Variants in PCDHA4 observed in about 807,000 individuals in gnomAD.
PCDHA4 encodes the protein protocadherin alpha-4.
Under a neutral mutation model 61.4 loss-of-function variants are expected in PCDHA4, and 49 were observed. That is an observed-to-expected ratio of 0.80 (90% CI 0.63 to 1.01). The LOEUF (loss-of-function observed/expected upper bound fraction) is 1.01, where lower values mean the gene tolerates loss of function less well. Ranked by LOEUF, PCDHA4 falls within the 50% of genes least tolerant of loss-of-function variation. PCDHA4 has a pLI of 0.00. For synonymous variants in PCDHA4, 590 were observed against 550.3 expected (o/e 1.07, Z -1.01); for missense variants, 1,254 against 1,235.8 (o/e 1.01, Z -0.22).
chr5:140,864,892 A>G (rs1240811455), intron 1 of PCDHA4: 4 of 152,184 alleles, frequency 2.6e-5, no homozygotes, highest in African/African-American at 4.8e-5. Flanking sequence ...ATTAAGCTGC[A>G]TGGTCTTCAG....
At chr5:140,941,603 T>C (rs116946105) in intron 1 of PCDHA4, among the ~76,000 whole-genome samples, 1 of 152,024 alleles carries the variant, frequency 6.6e-6, no homozygotes, top group East Asian at 1.9e-4. Flanking sequence ...CCATGAGCCA[T>C]GGTGCCCAGC....
intron 1 of PCDHA4, among the ~76,000 whole-genome samples, chr5:140,820,456 T>A (rs1421227937): frequency 3.3e-5 from 5 of 152,058 alleles, no homozygotes; most frequent in African/African-American, 9.6e-5. Flanking sequence ...GTCCCTCTTG[T>A]CTTCACAGGT....
rs184768008 is a variant in PCDHA4 at position 140,933,949 on chromosome 5, G to C, written c.2386-45000G>C. ...GTTGTGACTTTTTTTCACATCTGCA[G>C]GATCTGTAGTGATGTTTCCCTTTTC... On this transcript the variant is annotated intron_variant, in intron 1 of 3. Coordinates refer to ENST00000530339, the MANE Select transcript of PCDHA4 (RefSeq NM_018907.4). Among the ~76,000 whole-genome samples the C allele has an allele frequency of 8.5e-4, 129 of 151,910 alleles. 1 individual carries two copies. The highest frequency in any genetic ancestry group is 3.0e-3 in the African/African-American group (123 of 41,458).
chr5:140,878,239 T>C (rs1198199054), intron 1 of PCDHA4: 1 of 155,370 alleles, frequency 6.4e-6, no homozygotes, highest in Non-Finnish European at 1.4e-5. Context: ...ATGGATTCTT[T>C]AACTCTTCCT....
rs3822355 is a variant in PCDHA4, at chr5:140,807,394, G to A, written c.207G>A (p.Lys69=). The A allele has an allele frequency of 0.39, 374,073 of 969,126 alleles. 145,278 individuals are homozygous for A. The highest frequency in any genetic ancestry group is 0.46 in the South Asian group (24,420 of 53,396). 60.0% of individuals were successfully genotyped at this position (969,126 alleles called of 1,614,324 possible). ...LVPRLFRVAS[K]GRGGLLEVNL... is the part of the protein sequence containing the mutation. Reference sequence around the variant, plus strand: ...CGCGCCTGTTCCGGGTGGCGTCCAAGGGCCGCGGAGGCCTTCTGGAGGTAA... The same window carrying A: ...CGCGCCTGTTCCGGGTGGCGTCCAAAGGCCGCGGAGGCCTTCTGGAGGTAA... Residue 69 remains lysine (K), a synonymous_variant, in exon 1 of 4, where the codon AAG becomes AAA. Transcript: ENST00000530339.
intron 1 of PCDHA4, chr5:140,829,740 C>G: frequency 6.2e-7 from 1 of 1,613,670 alleles, no homozygotes; most frequent in Non-Finnish European, 8.5e-7. Context: ...AGCAACGTGA[C>G]GCTGCAGGTG....
chr5:140,856,816 C>T (rs2044218457), intron 1 of PCDHA4: 2 of 1,593,576 alleles, frequency 1.3e-6, no homozygotes, highest in Admixed American at 1.7e-5. Flanking sequence ...ATCAAGTGAA[C>T]CAAACATTAG....
rs782706780 is a variant in PCDHA4 at position 140,808,890 on chromosome 5, C to T, written c.1703C>T (p.Pro568Leu). 1.9e-6 allele frequency: 3 copies of T among 1,613,284 alleles called. No homozygotes were observed. Among genetic ancestry groups the T allele is most frequent in the African/African-American group, 1.3e-5 (1 of 74,926 alleles). ...ENDNAPALLAPRAGGTGGAVS... is the reference protein window; with the variant it reads ...ENDNAPALLALRAGGTGGAVS... ...GACAACGCGCCAGCACTGCTAGCGC[C>T]TCGGGCGGGTGGCACTGGTGGCGCA... is the stretch of plus-strand genomic sequence containing the variant. Residue 568 changes from proline (P) to leucine (L), a missense_variant, in exon 1 of 4, where the codon CCT (proline) becomes CTT (leucine). Pro to Leu is a moderately conservative substitution (Grantham distance 98). Coordinates refer to ENST00000530339, the MANE Select transcript of PCDHA4 (RefSeq NM_018907.4).
At chr5:140,937,789 G>A (rs1413517840) in intron 1 of PCDHA4, among the ~76,000 whole-genome samples, 1 of 151,816 alleles carries the variant, frequency 6.6e-6, no homozygotes, top group Non-Finnish European at 1.5e-5. Flanking sequence ...GCGGGCGTAT[G>A]TAGTCCCAGC....
At chr5:140,975,304 G>A (rs1395392874) in intron 1 of PCDHA4, among the ~76,000 whole-genome samples, 2 of 152,200 alleles carry the variant, frequency 1.3e-5, no homozygotes, top group African/African-American at 2.4e-5. Context: ...AAGAGCTCAT[G>A]TGATTATGTC....
intron 1 of PCDHA4, chr5:140,858,137 TACCTGATCATCGCC>T: frequency 1.9e-6 from 3 of 1,597,500 alleles, no homozygotes; most frequent in Non-Finnish European, 2.6e-6. Context: ...TGTCAACGTG[TACCTGATCATCGCC>T]ATCTGCGCGG....
At chr5:140,866,804 C>A (rs1157058668) in intron 1 of PCDHA4, 3 of 152,118 alleles carry the variant, frequency 2.0e-5, no homozygotes, top group Non-Finnish European at 4.4e-5. Flanking sequence ...AAGTCAGGCA[C>A]AAAGTTCCTT....
At position 141,011,088 on chromosome 5, in the gene PCDHA4, TTCTC is replaced by T. The variant is rs375099849; in HGVS notation, c.*1165_*1168del. Reference sequence around the variant, plus strand: ...TATTACTAAATAAAATGATCTCTCTTTCTCTCTCTCTCTCTCTTTTCTAAGAAAC... The same window carrying T: ...TATTACTAAATAAAATGATCTCTCTTTCTCTCTCTCTCTTTTCTAAGAAAC... On this transcript the variant is annotated 3_prime_UTR_variant, in exon 4 of 4. Coordinates refer to ENST00000530339, the MANE Select transcript of PCDHA4 (RefSeq NM_018907.4). 16 of 152,024 alleles carry T rather than the reference TTCTC, an allele frequency of 1.1e-4. No individual in the cohort carries two copies. Among genetic ancestry groups the T allele is most frequent in the African/African-American group, 2.2e-4 (9 of 41,160 alleles). 9.4% of individuals were successfully genotyped at this position (152,024 alleles called of 1,614,324 possible).
chr5:140,811,974 T>G (rs1169790765), intron 1 of PCDHA4: 1 of 149,746 alleles, frequency 6.7e-6, no homozygotes, highest in East Asian at 1.9e-4. Context: ...GATTGTAGTT[T>G]CTTTTGAAGA....
chr5:140,873,548 T>C lies in PCDHA4; in HGVS notation c.2385+63976T>C, dbSNP rs1434309989. ...GCATTCTATGGTATAAAATTATAAT[T>C]TCAATTTATTTTCTAGTTTGGTTGT... On this transcript the variant is annotated intron_variant, in intron 1 of 3. Coordinates refer to ENST00000530339, the MANE Select transcript of PCDHA4 (RefSeq NM_018907.4). Among the ~76,000 whole-genome samples, 5 of 151,990 alleles carry C rather than the reference T, an allele frequency of 3.3e-5. No individual in the cohort carries two copies. In the East Asian group the frequency reaches 7.7e-4, roughly 23 times the overall value.
At chr5:140,858,570 C>A (rs1212586718) in intron 1 of PCDHA4, 2 of 1,363,070 alleles carry the variant, frequency 1.5e-6, no homozygotes, top group Non-Finnish European at 1.0e-6. Flanking sequence ...TCTAGTGATA[C>A]CTTTGTAATA....
In PCDHA4 at chr5:140,858,494, C is replaced by T. The variant is rs1451749220; in HGVS notation, c.2385+48922C>T. 40 of 1,482,664 alleles carry T rather than the reference C, an allele frequency of 2.7e-5. 3 individuals carry two copies. In the Middle Eastern group the frequency reaches 5.1e-4, roughly 19 times the overall value. 91.8% of individuals were successfully genotyped at this position (1,482,664 alleles called of 1,614,324 possible). A position where few individuals can be genotyped will look rare whatever the true frequency, so the allele number is the denominator to read the frequency against. On this transcript the variant is annotated intron_variant, in intron 1 of 3. Transcript: ENST00000530339. Reference sequence around the variant, plus strand: ...CTTTATGAATAATATTTTCTCTTACCGCATTTTCTCAAATATGTATCAGAA... The same window carrying T: ...CTTTATGAATAATATTTTCTCTTACTGCATTTTCTCAAATATGTATCAGAA...
intron 1 of PCDHA4, chr5:140,828,967 C>G (rs1203175896): frequency 4.3e-6 from 7 of 1,614,068 alleles, no homozygotes; most frequent in Non-Finnish European, 5.9e-6. Context: ...TTATTGACCA[C>G]TTTAGCATAG....
intron 1 of PCDHA4, among the ~76,000 whole-genome samples, chr5:140,872,366 C>T (rs1474545806): frequency 5.3e-5 from 8 of 152,126 alleles, no homozygotes; most frequent in African/African-American, 1.4e-4. Flanking sequence ...GTGGTTCAGG[C>T]CTGTAATCCC....
Sources: gnomAD v4.1 joint callset for allele counts (sites outside exome capture counted in the v4.1 genomes callset) on GRCh38, gnomAD v4.1.1 for gene constraint, MANE v1.5 for transcripts, NCBI Gene and HGNC (gene_info 2026-07-23, HGNC 2026-07-21) for gene names.